The following RTN1 variants were observed in gnomAD, a reference collection of about 807,000 sequenced individuals.
RTN1 encodes the protein reticulon-1.
Under a neutral mutation model 65.5 loss-of-function variants are expected in RTN1, and 25 were observed. That is an observed-to-expected ratio of 0.38 (90% CI 0.28 to 0.53). The LOEUF is 0.53. RTN1 is among the 20% of genes least tolerant of loss of function. The pLI is 0.79. For missense variants in RTN1, 983 were observed against 1,025.4 expected (o/e 0.96, Z 0.57); for synonymous variants, 471 against 447.6 (o/e 1.05, Z -0.66).
intron 3 of RTN1, among the ~76,000 whole-genome samples, chr14:59,678,827 A>G (rs893941436): frequency 5.3e-5 from 8 of 152,226 alleles, no homozygotes; most frequent in Non-Finnish European, 1.2e-4. Flanking sequence ...GGAGTTGGTT[A>G]AAAATGCAGC....
chr14:59,605,435 T>A lies in RTN1; in HGVS notation c.2045A>T (p.Tyr682Phe). The change falls in exon 5 of 9, where the codon TAC (tyrosine) becomes TTC (phenylalanine). Residue 682 changes from tyrosine (Y) to phenylalanine (F), a missense_variant. Coordinates refer to ENST00000267484, the MANE Select transcript of RTN1 (RefSeq NM_021136.3). The part of the protein sequence containing the change: ...IQKYTDCLQF[Y>F]VNSTLKELRR... ...CAGTTCCTTAAGTGTGCTGTTCACG[T>A]AGAACTGCAGGCAGTCCGTGTACTT... 6.2e-7 allele frequency: 1 copy of A among 1,614,026 alleles called. No individual in the cohort carries two copies.
chr14:59,723,254 T>C (rs960024587), intron 3 of RTN1, among the ~76,000 whole-genome samples: 2 of 152,166 alleles, frequency 1.3e-5, no homozygotes, highest in South Asian at 4.1e-4. Flanking sequence ...GCCATTTGTT[T>C]GGCAAGAAGA....
At chr14:59,610,289 G>C in intron 3 of RTN1, 1 of 596,746 alleles carries the variant, frequency 1.7e-6, no homozygotes, top group Non-Finnish European at 3.0e-6. Context: ...TCGTCTCTTA[G>C]CAGATCTTTC....
intron 1 of RTN1, among the ~76,000 whole-genome samples, chr14:59,804,036 T>C (rs574716361): frequency 6.6e-6 from 1 of 152,330 alleles, no homozygotes; most frequent in South Asian, 2.1e-4. Context: ...ATTGATATAT[T>C]ATTATGAACT....
intron 3 of RTN1, among the ~76,000 whole-genome samples, chr14:59,706,431 T>C (rs895567092): frequency 3.3e-5 from 5 of 152,240 alleles, no homozygotes; most frequent in Non-Finnish European, 7.3e-5. Flanking sequence ...CATGAACACC[T>C]GTAATGCCTT....
intron 3 of RTN1, chr14:59,630,396 C>A: frequency 1.2e-6 from 2 of 1,611,600 alleles, no homozygotes; most frequent in Non-Finnish European, 1.7e-6. Flanking sequence ...AGTCCAGGTC[C>A]CGGGTTTCCC....
chr14:59,696,002 G>A (rs1436086334), intron 3 of RTN1, among the ~76,000 whole-genome samples: 2 of 151,974 alleles, frequency 1.3e-5, no homozygotes, highest in African/African-American at 4.8e-5. Context: ...AAAATACGTA[G>A]TTTTGAAAAT....
rs1300228469 is a variant in RTN1, at chr14:59,674,783, T to C, written c.1765+52136A>G. On this transcript the variant is annotated intron_variant, in intron 3 of 8. Coordinates refer to ENST00000267484, the MANE Select transcript of RTN1 (RefSeq NM_021136.3). ...AAGATGCAAATGGCAAAGGAAGAAG[T>C]AGCAAAGAGAAGTTAATAAGTATCT... Among the ~76,000 whole-genome samples the C allele has an allele frequency of 2.6e-5, 4 of 152,106 alleles. No individual in the cohort carries two copies. In the South Asian group the frequency reaches 6.2e-4, roughly 24 times the overall value.
intron 1 of RTN1, among the ~76,000 whole-genome samples, chr14:59,749,420 C>CTATATATATCTATATATATCTATATCTA (rs373753805): frequency 2.9e-5 from 1 of 34,942 alleles, no homozygotes; most frequent in Non-Finnish European, 4.4e-5. Flanking sequence ...CTATATATAT[C>CTATATATATCTATATATATCTATATCTA]TATATATCTA....
rs149630958 is a variant in RTN1, at chr14:59,825,436, A to C, written c.241+44954T>G. Reference sequence around the variant, plus strand: ...CAGGAAAATGCTCTGATTCAGGGAAAGTTGCTATAAAATAGTTTTAAAAAT... The same window carrying C: ...CAGGAAAATGCTCTGATTCAGGGAACGTTGCTATAAAATAGTTTTAAAAAT... On this transcript the variant is annotated intron_variant, in intron 1 of 8. Transcript: ENST00000267484. This position sits in a 1 kb window ranked among gnomAD's most constrained non-coding sequence, Gnocchi z 4.2. Among the ~76,000 whole-genome samples the C allele has an allele frequency of 4.4e-3, 668 of 152,362 alleles. 7 individuals are homozygous for C. The highest frequency in any genetic ancestry group is 0.015 in the African/African-American group (617 of 41,590).
intron 3 of RTN1, among the ~76,000 whole-genome samples, chr14:59,667,977 T>G (rs1594666541): frequency 6.6e-6 from 1 of 152,294 alleles, no homozygotes; most frequent in Middle Eastern, 3.4e-3. Flanking sequence ...TGGAAGAATA[T>G]TCCATGCTCA....
intron 1 of RTN1, among the ~76,000 whole-genome samples, chr14:59,837,165 G>A (rs1887227176): frequency 6.6e-6 from 1 of 151,934 alleles, no homozygotes. Flanking sequence ...CTTAGAAACA[G>A]ACTTAAACGA....
At chr14:59,845,745 T>G (rs1383048213) in intron 1 of RTN1, among the ~76,000 whole-genome samples, 1 of 152,192 alleles carries the variant, frequency 6.6e-6, no homozygotes. Flanking sequence ...CATATCTGAT[T>G]ATGCCAGCTT....
intron 1 of RTN1, among the ~76,000 whole-genome samples, chr14:59,756,750 T>C (rs1885644585): frequency 6.6e-6 from 1 of 152,032 alleles, no homozygotes; most frequent in Non-Finnish European, 1.5e-5. Flanking sequence ...TAAATTTGTT[T>C]GCACTTTAAT....
chr14:59,813,572 GC>G (rs1886768108), intron 1 of RTN1, among the ~76,000 whole-genome samples: 1 of 152,136 alleles, frequency 6.6e-6, no homozygotes, highest in Non-Finnish European at 1.5e-5. Context: ...CAAGCATAGA[GC>G]TAAACTAGCC....
At chr14:59,750,240 T>TATAGATATAATATATAATATATATA (rs1885445478) in intron 1 of RTN1, among the ~76,000 whole-genome samples, 1 of 44,400 alleles carries the variant, frequency 2.3e-5, no homozygotes, top group African/African-American at 8.3e-5. Context: ...ATATATATAT[T>TATAGATATAATATATAATATATATA]ATATCTATAA....
intron 3 of RTN1, among the ~76,000 whole-genome samples, chr14:59,683,203 C>G (rs1883779187): frequency 6.6e-6 from 1 of 152,034 alleles, no homozygotes; most frequent in African/African-American, 2.4e-5. Context: ...TTAATTAATC[C>G]ATTTAAAGTT....
chr14:59,813,554 A>G (rs1185930787), intron 1 of RTN1, among the ~76,000 whole-genome samples: 1 of 152,188 alleles, frequency 6.6e-6, no homozygotes, highest in Non-Finnish European at 1.5e-5. Flanking sequence ...TTTGACTGCC[A>G]ATAAAACCAA....
At chr14:59,767,153 A>G (rs939519548) in intron 1 of RTN1, among the ~76,000 whole-genome samples, 1 of 152,216 alleles carries the variant, frequency 6.6e-6, no homozygotes, top group African/African-American at 2.4e-5. Context: ...CTTCCCTGCC[A>G]AGGAATTTTA....
Sources: allele counts gnomAD v4.1 joint callset (sites outside exome capture counted in the v4.1 genomes callset), GRCh38; gene constraint gnomAD v4.1.1; non-coding constraint Gnocchi (gnomAD v3.1); transcripts MANE v1.5; gene names NCBI Gene and HGNC (gene_info 2026-07-23, HGNC 2026-07-21).